AKNAD1: variants seen among roughly 807,000 people sequenced by gnomAD.
AKNAD1 encodes the protein protein AKNAD1.
AKNAD1 carries 67 observed loss-of-function variants against 90.8 expected under a neutral mutation model. That is an observed-to-expected ratio of 0.74 (90% CI 0.61 to 0.90). The LOEUF is 0.90. Ranked by LOEUF, AKNAD1 falls within the 40% of genes least tolerant of loss-of-function variation. AKNAD1 has a pLI of 0.00. For synonymous variants in AKNAD1, 327 were observed against 341.4 expected, an observed-to-expected ratio of 0.96 and a Z score of 0.46; for missense variants, 957 against 975.4, an observed-to-expected ratio of 0.98 and a Z score of 0.25.
At chr1:108,838,661 C>A (rs1664451025) in intron 6 of AKNAD1, among the ~76,000 whole-genome samples, 1 of 151,726 alleles carries the variant, frequency 6.6e-6, no homozygotes, top group African/African-American at 2.4e-5. Flanking sequence ...ATGTTTTCTT[C>A]CAAAATATCT....
chr1:108,842,857 A>C (rs1404978126), intron 6 of AKNAD1, among the ~76,000 whole-genome samples: 1 of 152,148 alleles, frequency 6.6e-6, no homozygotes, highest in Non-Finnish European at 1.5e-5. Flanking sequence ...AATGATATTC[A>C]ACAAATTGCA....
intron 6 of AKNAD1, among the ~76,000 whole-genome samples, chr1:108,842,642 G>A (rs1302524582): frequency 6.6e-6 from 1 of 152,036 alleles, no homozygotes; most frequent in Non-Finnish European, 1.5e-5. Flanking sequence ...GGAATTATCA[G>A]TGAATGGGAA....
chr1:108,843,897 C>A (rs535282786), intron 5 of AKNAD1, among the ~76,000 whole-genome samples: 1 of 152,282 alleles, frequency 6.6e-6, no homozygotes, highest in Non-Finnish European at 1.5e-5. Context: ...GGGTTAGGGG[C>A]ATGTTGAAGA....
At chr1:108,826,914 A>G (rs1557827250) in intron 11 of AKNAD1, among the ~76,000 whole-genome samples, 1 of 149,238 alleles carries the variant, frequency 6.7e-6, no homozygotes, top group African/African-American at 2.5e-5. Context: ...TAATTTTTGT[A>G]TTTTTTTTGT....
rs768665987 is a variant in AKNAD1 at position 108,830,648 on chromosome 1, C to T, written c.1749G>A (p.Glu583=). The change falls in exon 10 of 16, where the codon GAG becomes GAA. Residue 583 remains glutamate (E), a splice_region_variant and synonymous_variant. Coordinates refer to ENST00000370001, the MANE Select transcript of AKNAD1 (RefSeq NM_152763.5). ...VAMRLSSNSG[E]DPNGTPRRQD... ...GCCTTCTTGGAGTGCCGTTGGGATCCTCCTGCGCCACAAAGCACACAGATG... is the reference window on the plus strand; with the variant it reads ...GCCTTCTTGGAGTGCCGTTGGGATCTTCCTGCGCCACAAAGCACACAGATG... 4 of 1,613,954 alleles carry T rather than the reference C, an allele frequency of 2.5e-6. No homozygotes were observed. The African/African-American group carries it at 5.3e-5, about 22-fold the overall frequency.
rs1663603861 is a variant in AKNAD1 at position 108,816,434 on chromosome 1, G to A, written c.2380-132C>T. ...CCTGTTTTCCTCTTGGTCTATTTCTGTTTTTGAGGGTTGGTTTCCTAGGAG... is the reference window on the plus strand; with the variant it reads ...CCTGTTTTCCTCTTGGTCTATTTCTATTTTTGAGGGTTGGTTTCCTAGGAG... On this transcript the variant is annotated intron_variant, in intron 15 of 15. Transcript: ENST00000370001. The A allele has an allele frequency of 4.2e-5, 41 of 965,514 alleles. 1 individual carries two copies. In the South Asian group the frequency reaches 8.6e-4, roughly 20 times the overall value. 59.8% of individuals were successfully genotyped at this position (965,514 alleles called of 1,614,324 possible).
Position 108,837,616 on chromosome 1 carries a change from G to A in AKNAD1, c.1470C>T (p.Ser490=), listed in dbSNP as rs1360044794. The part of the protein sequence containing the change: ...MDESKYTSAP[S]LPVSSPVTLD... ...GGGTAACTGGAGAACTCACAGGAAGGGAAGGAGCTGAAGTATATTTGCTTT... is the reference window on the plus strand; with the variant it reads ...GGGTAACTGGAGAACTCACAGGAAGAGAAGGAGCTGAAGTATATTTGCTTT... The change falls in exon 7 of 16, where the codon TCC becomes TCT. Residue 490 remains serine (S), a synonymous_variant. Transcript: ENST00000370001. 3.0e-5 allele frequency: 49 copies of A among 1,613,982 alleles called. No homozygotes were observed. Among genetic ancestry groups the A allele is most frequent in the Non-Finnish European group, 3.6e-5 (43 of 1,180,000 alleles).
At chr1:108,853,755 G>A (rs948314497) in intron 1 of AKNAD1, among the ~76,000 whole-genome samples, 26 of 151,880 alleles carry the variant, frequency 1.7e-4, no homozygotes, top group Non-Finnish European at 3.5e-4. Flanking sequence ...CCAACATGGC[G>A]AAACCCCCAT....
At chr1:108,833,159 C>T (rs569401935) in intron 9 of AKNAD1, among the ~76,000 whole-genome samples, 1 of 152,112 alleles carries the variant, frequency 6.6e-6, no homozygotes, top group South Asian at 2.1e-4. Context: ...ATAGTTTATT[C>T]TAAGTGATGT....
At position 108,816,285 on chromosome 1, in the gene AKNAD1, C is replaced by A; in HGVS notation, c.2397G>T (p.Leu799Phe). ...TGGTTGCTGTCCTTAGGGCATGATC[C>A]AAAGCCGAGTTTAAAATCTACAGAG... ...EIKSEILNSA[L>F]DHALRTATIL... Residue 799 changes from leucine (L) to phenylalanine (F), a missense_variant, in exon 16 of 16, where the codon TTG (leucine) becomes TTT (phenylalanine). By Grantham distance (22) the Leu-to-Phe change is conservative (BLOSUM62 0). Coordinates refer to ENST00000370001, the MANE Select transcript of AKNAD1 (RefSeq NM_152763.5). The A allele has an allele frequency of 1.9e-6, 3 of 1,611,158 alleles. No individual in the cohort carries two copies. In the South Asian group the frequency reaches 3.3e-5, roughly 18 times the overall value.
At position 108,852,170 on chromosome 1, in the gene AKNAD1, G is replaced by A. The variant is rs753662116; in HGVS notation, c.495C>T (p.Thr165=). 6.2e-6 allele frequency: 10 copies of A among 1,613,734 alleles called. No individual in the cohort carries two copies. In the East Asian group the frequency reaches 1.8e-4, roughly 29 times the overall value. ...GGTTGAGTTGGTCAGTGAGTTCTGG[G>A]GTTTGTTCTTTTGGCCAAGAATTCT... ...YNKNSWPKEQ[T]PELTDQLNPK... Residue 165 remains threonine, a synonymous_variant, in exon 2 of 16, where the codon ACC becomes ACT. Transcript: ENST00000370001.
intron 5 of AKNAD1, among the ~76,000 whole-genome samples, chr1:108,844,039 T>A (rs1664631220): frequency 1.4e-5 from 2 of 139,042 alleles, no homozygotes; most frequent in Non-Finnish European, 3.1e-5. Flanking sequence ...GAGATGTTAT[T>A]CCATTGAGAA....
Position 108,823,424 on chromosome 1 carries a change from T to C in AKNAD1, c.2113A>G (p.Arg705Gly), listed in dbSNP as rs1228438923. The C allele has an allele frequency of 6.2e-7, 1 of 1,614,086 alleles. No individual in the cohort carries two copies. Among genetic ancestry groups the C allele is most frequent in the Non-Finnish European group, 8.5e-7 (1 of 1,180,020 alleles). ...PGQNYSNHSK[R>G]GAFVQPHSLD... ...GAATGGGGCTGGACAAAGGCACCTC[T>C]TTTGCTATGATTTGAGTAATTCTGT... Residue 705 changes from arginine (R) to glycine (G), a missense_variant, in exon 13 of 16, where the codon AGA (arginine) becomes GGA (glycine). By Grantham distance (125) the Arg-to-Gly change is moderately radical. Transcript: ENST00000370001.
chr1:108,819,028 T>C (rs1303026828), intron 14 of AKNAD1, among the ~76,000 whole-genome samples: 2 of 150,702 alleles, frequency 1.3e-5, no homozygotes, highest in African/African-American at 2.4e-5. Flanking sequence ...TGCTAGACTA[T>C]GGTGGAGGGT....
At chr1:108,843,336 C>G (rs1664608397) in intron 5 of AKNAD1, 69 bp from the exon 6 acceptor site, 1 of 1,579,416 alleles carries the variant, frequency 6.3e-7, no homozygotes, top group African/African-American at 1.3e-5. Flanking sequence ...CCCAAAAACA[C>G]AAAGCAGGTG....
intron 6 of AKNAD1, among the ~76,000 whole-genome samples, chr1:108,839,459 A>G (rs1664472013): frequency 7.5e-6 from 1 of 134,014 alleles, no homozygotes; most frequent in Non-Finnish European, 1.6e-5. Flanking sequence ...GAGGAGCGAG[A>G]CTCCGTCTCA....
rs910297347 is a variant in AKNAD1 at position 108,828,111 on chromosome 1, C to T, written c.1839-809G>A. Among the ~76,000 whole-genome samples the T allele has an allele frequency of 8.6e-5, 13 of 150,610 alleles. 2 individuals are homozygous for T. The highest frequency in any genetic ancestry group is 8.6e-4 in the Admixed American group (13 of 15,070). On this transcript the variant is annotated intron_variant, in intron 10 of 15. Coordinates refer to ENST00000370001, the MANE Select transcript of AKNAD1 (RefSeq NM_152763.5). ...AAAAACAAACAAACAAACAAACAAA[C>T]AAACAAACAGTTCCTACCAGGGGAA...
chr1:108,844,607 G>C (rs1192973482), intron 5 of AKNAD1, among the ~76,000 whole-genome samples: 1 of 152,038 alleles, frequency 6.6e-6, no homozygotes, highest in East Asian at 1.9e-4. Flanking sequence ...CAGAAACATA[G>C]CTCGGTGAGG....
intron 13 of AKNAD1, 46 bp from the exon 14 acceptor site, chr1:108,820,672 C>G (rs1463337145): frequency 2.6e-6 from 3 of 1,139,072 alleles, no homozygotes; most frequent in Non-Finnish European, 3.9e-6. Context: ...CAAAAATGAG[C>G]CCCAAATGGT....
Sources: allele counts gnomAD v4.1 joint callset (sites outside exome capture counted in the v4.1 genomes callset), GRCh38; gene constraint gnomAD v4.1.1; transcripts MANE v1.5; gene names NCBI Gene and HGNC (gene_info 2026-07-23, HGNC 2026-07-21).